Variants in NTNG1 observed in about 807,000 individuals in gnomAD.
The protein encoded by NTNG1 is netrin-G1.
A neutral mutation model predicts 54.0 loss-of-function variants in NTNG1; 16 were observed. The ratio of observed to expected loss-of-function variants is 0.30; its 90% CI spans 0.20 to 0.45. The LOEUF (loss-of-function observed/expected upper bound fraction) is 0.45. Among genes scored for constraint, NTNG1 ranks in the 20% least tolerant of loss-of-function variants. The pLI is 1.00. For synonymous variants in NTNG1, 255 were observed against 263.1 expected, an observed-to-expected ratio of 0.97 and a Z score of 0.30; for missense variants, 530 against 678.7, an observed-to-expected ratio of 0.78 and a Z score of 2.43.
chr1:107,347,881 A>G (rs1669347361), intron 3 of NTNG1, among the ~76,000 whole-genome samples: 1 of 152,014 alleles, frequency 6.6e-6, no homozygotes, highest in Admixed American at 6.6e-5. Context: ...GAACTCCCTC[A>G]CTATCATGAA....
Position 107,395,175 on chromosome 1 carries a change from C to T in NTNG1, c.909C>T (p.Ala303=), listed in dbSNP as rs1310245507. The change falls in exon 4 of 8, where the codon GCC becomes GCT. Residue 303 remains alanine (A), a synonymous_variant. Transcript: ENST00000370068. ...CCAGGTGCAAGTGTAATCTCCATGCCACTGTATGTGTGTATGACAACAGCA... is the reference window on the plus strand; with the variant it reads ...CCAGGTGCAAGTGTAATCTCCATGCTACTGTATGTGTGTATGACAACAGCA... ...VRGRCKCNLH[A]TVCVYDNSKL... 1.2e-6 allele frequency: 2 copies of T among 1,613,042 alleles called. No individual in the cohort carries two copies. The highest frequency in any genetic ancestry group is 1.7e-6 in the Non-Finnish European group (2 of 1,179,388).
At chr1:107,280,808 A>T (rs1664797960) in intron 2 of NTNG1, among the ~76,000 whole-genome samples, 1 of 151,962 alleles carries the variant, frequency 6.6e-6, no homozygotes, top group South Asian at 2.1e-4. Flanking sequence ...AACTTAGGTC[A>T]TCCCTAGACA....
intron 3 of NTNG1, among the ~76,000 whole-genome samples, chr1:107,341,876 T>G (rs1483571370): frequency 6.6e-6 from 1 of 152,024 alleles, no homozygotes; most frequent in East Asian, 1.9e-4. Context: ...CCTGGGAGGT[T>G]AAGAGGTCAC....
chr1:107,402,680 C>T (rs1673114487), intron 4 of NTNG1, among the ~76,000 whole-genome samples: 2 of 152,122 alleles, frequency 1.3e-5, no homozygotes, highest in African/African-American at 4.8e-5. Flanking sequence ...CTCCTATCAA[C>T]AGCAGTTTAT....
At chr1:107,261,971 A>G (rs1663377619) in intron 2 of NTNG1, among the ~76,000 whole-genome samples, 1 of 152,236 alleles carries the variant, frequency 6.6e-6, no homozygotes. Flanking sequence ...AATGTTAACT[A>G]TTGAAAAATT....
chr1:107,453,619 A>C (rs1214017729), intron 7 of NTNG1, among the ~76,000 whole-genome samples: 1 of 152,190 alleles, frequency 6.6e-6, no homozygotes, highest in Non-Finnish European at 1.5e-5. Context: ...CCTGCTGACT[A>C]CGTCTTTCTT....
intron 2 of NTNG1, among the ~76,000 whole-genome samples, chr1:107,247,205 A>G (rs1662260564): frequency 6.6e-6 from 1 of 152,262 alleles, no homozygotes; most frequent in Non-Finnish European, 1.5e-5. Context: ...TTGTCGCACC[A>G]TTAATCATGC....
chr1:107,405,481 CT>C (rs1354366622), intron 4 of NTNG1, among the ~76,000 whole-genome samples: 2 of 152,106 alleles, frequency 1.3e-5, no homozygotes, highest in African/African-American at 2.4e-5. Context: ...AATAGCCTCG[CT>C]TGGTGAGGTT....
At chr1:107,150,430 A>G (rs1000270433) in intron 2 of NTNG1, among the ~76,000 whole-genome samples, 4 of 152,116 alleles carry the variant, frequency 2.6e-5, no homozygotes, top group African/African-American at 9.7e-5. Flanking sequence ...TGTTTGGGTG[A>G]TAGGTTGTAT....
chr1:107,267,317 A>G (rs1663815612), intron 2 of NTNG1, among the ~76,000 whole-genome samples: 1 of 152,196 alleles, frequency 6.6e-6, no homozygotes, highest in Non-Finnish European at 1.5e-5. Context: ...AGAGTTTAGT[A>G]TGGACTGGAA....
intron 3 of NTNG1, 38 bp from the exon 4 acceptor site, chr1:107,395,116 T>G: frequency 2.5e-6 from 4 of 1,582,204 alleles, no homozygotes; most frequent in Non-Finnish European, 3.5e-6. Context: ...CAAGACCAAC[T>G]TATCTGACAA....
Position 107,269,545 on chromosome 1 carries a change from C to T in NTNG1, c.247-54737C>T, listed in dbSNP as rs1663999257. 3.9e-5 allele frequency among the ~76,000 whole-genome samples: 6 copies of T among 152,220 alleles called. No homozygotes were observed. The South Asian group carries it at 1.2e-3, about 32-fold the overall frequency. ...TGATAACAGGGATTCTATAGGTTCC[C>T]CCTTCCCATCATTTGTCTTTATCCC... On this transcript the variant is annotated intron_variant, in intron 2 of 7. Transcript: ENST00000370068.
chr1:107,359,793 G>A (rs1054943548), intron 3 of NTNG1, among the ~76,000 whole-genome samples: 1 of 151,540 alleles, frequency 6.6e-6, no homozygotes, highest in African/African-American at 2.4e-5. Flanking sequence ...TACATCTGAA[G>A]GAAAAAATAC....
intron 3 of NTNG1, among the ~76,000 whole-genome samples, chr1:107,379,565 C>T (rs1209872520): frequency 6.6e-6 from 1 of 152,194 alleles, no homozygotes; most frequent in East Asian, 1.9e-4. Flanking sequence ...ACAAAGAACT[C>T]TGCAAGTCAG....
chr1:107,401,222 C>T (rs914992042), intron 4 of NTNG1, among the ~76,000 whole-genome samples: 4 of 152,102 alleles, frequency 2.6e-5, no homozygotes, highest in Middle Eastern at 3.2e-3. Flanking sequence ...CAGGCCTCCC[C>T]GAGGGTTATT....
At chr1:107,441,773 T>C (rs1675981298) in intron 7 of NTNG1, among the ~76,000 whole-genome samples, 1 of 152,112 alleles carries the variant, frequency 6.6e-6, no homozygotes. Context: ...CAAAGTTTCA[T>C]GTCAGAGATA....
At chr1:107,445,944 C>T (rs935279084) in intron 7 of NTNG1, among the ~76,000 whole-genome samples, 1 of 152,030 alleles carries the variant, frequency 6.6e-6, no homozygotes, top group Non-Finnish European at 1.5e-5. Flanking sequence ...AAAAACCATT[C>T]TTAGTTCATA....
chr1:107,161,060 T>A (rs76326920), intron 2 of NTNG1, among the ~76,000 whole-genome samples: 268 of 152,314 alleles, frequency 1.8e-3, no homozygotes, highest in Non-Finnish European at 3.5e-3. Flanking sequence ...GTTATATATT[T>A]GCTCATTTAT....
At chr1:107,448,851 T>G (rs2101470399) in intron 7 of NTNG1, among the ~76,000 whole-genome samples, 1 of 152,230 alleles carries the variant, frequency 6.6e-6, no homozygotes, top group East Asian at 1.9e-4. Flanking sequence ...TTGTTTTCTT[T>G]CATCCCTACA....
Sources: allele counts gnomAD v4.1 joint callset (sites outside exome capture counted in the v4.1 genomes callset), GRCh38; gene constraint gnomAD v4.1.1; transcripts MANE v1.5; gene names NCBI Gene and HGNC (gene_info 2026-07-23, HGNC 2026-07-21).